Variants in DNAH3 observed in about 807,000 individuals in gnomAD.
DNAH3 encodes dynein axonemal heavy chain 3, also known as axonemal beta dynein heavy chain 3.
In DNAH3, 332 loss-of-function variants were observed where a neutral mutation model predicts 432.5. That is an observed-to-expected ratio of 0.77 (90% CI 0.70 to 0.84). DNAH3 has a LOEUF of 0.84. DNAH3 is among the 40% of genes least tolerant of loss of function. The probability of loss-of-function intolerance (pLI) is 0.00; values close to 1 mark genes in which losing one functional copy is unlikely to be tolerated. For missense variants in DNAH3, 4,861 were observed against 5,114.0 expected (o/e 0.95, Z 1.51); for synonymous variants, 1,956 against 1,900.2 (o/e 1.03, Z -0.76).
intron 1 of DNAH3, among the ~76,000 whole-genome samples, chr16:21,149,917 C>T (rs2092831904): frequency 6.6e-6 from 1 of 152,116 alleles, no homozygotes; most frequent in Non-Finnish European, 1.5e-5. Flanking sequence ...CCACATATTC[C>T]CAACACATTA....
intron 30 of DNAH3, 45 bp downstream of exon 30, chr16:21,049,865 G>C (rs770378392): frequency 6.6e-7 from 1 of 1,522,534 alleles, no homozygotes; most frequent in Non-Finnish European, 9.1e-7. Context: ...GAGGGGTGCA[G>C]AGAGGGCCTG....
At chr16:20,979,242 C>A in intron 50 of DNAH3, 88 bp downstream of exon 50, 1 of 1,207,278 alleles carries the variant, frequency 8.3e-7, no homozygotes, top group Non-Finnish European at 1.2e-6. Flanking sequence ...GATCTGGTGT[C>A]CTCTTAATTC....
rs1351311800 is a variant in DNAH3 at position 21,049,931 on chromosome 16, C to G, written c.4326G>C (p.Leu1442Phe). 3.1e-6 allele frequency: 5 copies of G among 1,613,968 alleles called. No homozygotes were observed. In the South Asian group the frequency reaches 5.5e-5, roughly 18 times the overall value. Residue 1442 changes from leucine (L) to phenylalanine (F), a missense_variant, in exon 30 of 62, where the codon TTG becomes TTC. By Grantham distance (22) the Leu-to-Phe change is conservative. Coordinates refer to ENST00000261383, the Ensembl canonical transcript of DNAH3. Reference sequence around the variant, plus strand: ...TTACCTGCTTAGCCAAGGCTTTGGCCAAATCTTTGGTGGTTTCTGTCTTGC... The same window carrying G: ...TTACCTGCTTAGCCAAGGCTTTGGCGAAATCTTTGGTGGTTTCTGTCTTGC...
At chr16:20,949,818 T>C (rs1320836599) in intron 56 of DNAH3, among the ~76,000 whole-genome samples, 1 of 152,208 alleles carries the variant, frequency 6.6e-6, no homozygotes, top group Non-Finnish European at 1.5e-5. Flanking sequence ...CTATCCTGAC[T>C]GGAACAGTTG....
intron 31 of DNAH3, among the ~76,000 whole-genome samples, chr16:21,044,314 G>T (rs1238559239): frequency 6.6e-6 from 1 of 151,156 alleles, no homozygotes; most frequent in Admixed American, 6.6e-5. Context: ...AGCATGGAAT[G>T]TTCTTCCATT....
rs542359712 is a variant in DNAH3, at chr16:21,002,651, C to T, written c.6126+453G>A. Among the ~76,000 whole-genome samples the T allele has an allele frequency of 1.1e-4, 16 of 151,974 alleles. 1 individual carries two copies. The South Asian group carries it at 2.1e-3, about 20-fold the overall frequency. On this transcript the variant is annotated intron_variant, in intron 42 of 61. Coordinates refer to ENST00000261383, the Ensembl canonical transcript of DNAH3. ...TAATTTTGTATTTTTAGTAGAGATG[C>T]GGTTTCACCATGTTGGCCAGGCTGG...
chr16:21,051,542 T>C (rs747043212), intron 29 of DNAH3, 128 bp downstream of exon 29: 95 of 935,470 alleles, frequency 1.0e-4, no homozygotes, highest in Middle Eastern at 3.4e-4. Context: ...TTTGGGACTA[T>C]GGAGAATCTA....
rs28722830 is a variant in DNAH3 at position 21,072,236 on chromosome 16, A to T, written c.3085-1410T>A. Among the ~76,000 whole-genome samples the T allele has an allele frequency of 4.9e-3, 718 of 147,574 alleles. 3 individuals carry two copies. Among genetic ancestry groups the T allele is most frequent in the Non-Finnish European group, 5.9e-3 (399 of 67,620 alleles). On this transcript the variant is annotated intron_variant, in intron 21 of 61. Transcript: ENST00000261383. ...CCTTTGTTTAATTAATTAATTAATT[A>T]ATTAATTTTAATTTTATTATTATTA...
chr16:20,960,341 A>G (rs2084762355), intron 53 of DNAH3, among the ~76,000 whole-genome samples: 1 of 152,148 alleles, frequency 6.6e-6, no homozygotes, highest in South Asian at 2.1e-4. Flanking sequence ...TGGAACCGAG[A>G]CACTTGCATA....
chr16:21,105,952 C>T (rs1485991536), intron 15 of DNAH3, among the ~76,000 whole-genome samples: 1 of 150,976 alleles, frequency 6.6e-6, no homozygotes, highest in African/African-American at 2.4e-5. Flanking sequence ...GAGGCTGAGG[C>T]GGGCGGATCA....
chr16:21,084,960 AC>A (rs898885993), intron 19 of DNAH3, among the ~76,000 whole-genome samples: 1 of 150,376 alleles, frequency 6.6e-6, no homozygotes, highest in Non-Finnish European at 1.5e-5. Context: ...AAGCTCCCTA[AC>A]CCCCCCATCC....
At chr16:21,135,609 C>A (rs184028509) in intron 6 of DNAH3, among the ~76,000 whole-genome samples, 22 of 152,268 alleles carry the variant, frequency 1.4e-4, no homozygotes, top group Admixed American at 5.2e-4. Context: ...AGGAGAATTG[C>A]GTGAACCCAG....
intron 36 of DNAH3, among the ~76,000 whole-genome samples, chr16:21,033,359 G>C (rs1032165600): frequency 2.6e-5 from 4 of 152,186 alleles, no homozygotes; most frequent in Non-Finnish European, 5.9e-5. Flanking sequence ...ACCCACAACT[G>C]TTTCTCTGGC....
intron 55 of DNAH3, among the ~76,000 whole-genome samples, chr16:20,953,832 C>T (rs753123350): frequency 6.6e-6 from 1 of 151,348 alleles, no homozygotes. Context: ...GCAGCCTCCA[C>T]CTTCTCGCCT....
chr16:20,974,815 C>CGTA (rs1304053288), intron 51 of DNAH3, among the ~76,000 whole-genome samples: 1 of 150,512 alleles, frequency 6.6e-6, no homozygotes, highest in Non-Finnish European at 1.5e-5. Context: ...GAGTCGCCTA[C>CGTA]CCCTTATTAT....
Position 20,993,690 on chromosome 16 carries a change from T to A in DNAH3, c.6601+3593A>T, listed in dbSNP as rs938218887. Among the ~76,000 whole-genome samples the A allele has an allele frequency of 2.0e-5, 3 of 152,208 alleles. No homozygotes were observed. In the East Asian group the frequency reaches 5.8e-4, roughly 29 times the overall value. ...TAGCTGCCCAAAAGTTTTTTTCTTT[T>A]TTTAAATTTTTGAGACAGGGTCTTG... On this transcript the variant is annotated intron_variant, in intron 44 of 61. Transcript: ENST00000261383.
In DNAH3 at chr16:21,107,158, G is replaced by T. The variant is rs953579611; in HGVS notation, c.2100-484C>A. On this transcript the variant is annotated intron_variant, in intron 14 of 61. Transcript: ENST00000261383. ...TACTACCTCTCATACACAGAACCTAGATTTAGACCAAAACACCACCACCAC... is the reference window on the plus strand; with the variant it reads ...TACTACCTCTCATACACAGAACCTATATTTAGACCAAAACACCACCACCAC... Among the ~76,000 whole-genome samples, 5 of 150,592 alleles carry T rather than the reference G, an allele frequency of 3.3e-5. No individual in the cohort carries two copies. In the East Asian group the frequency reaches 9.7e-4, roughly 29 times the overall value.
At chr16:21,159,118 A>G (rs78092568) in intron 1 of DNAH3, among the ~76,000 whole-genome samples, 2,704 of 151,180 alleles carry the variant, frequency 0.018, 80 homozygotes, top group African/African-American at 0.062. Context: ...GTCGAGGCAA[A>G]CCTCCCTAGG....
intron 47 of DNAH3, among the ~76,000 whole-genome samples, 164 bp from the exon 48 acceptor site, chr16:20,985,879 A>G (rs1240318335): frequency 6.6e-6 from 1 of 151,966 alleles, no homozygotes; most frequent in African/African-American, 2.4e-5. Context: ...GTTTTGAGAC[A>G]GAGTCTCACT....
Sources: allele counts gnomAD v4.1 joint callset (sites outside exome capture counted in the v4.1 genomes callset), GRCh38; gene constraint gnomAD v4.1.1; transcripts MANE v1.5; gene names NCBI Gene and HGNC (gene_info 2026-07-23, HGNC 2026-07-21).